PSME4: variants seen among roughly 807,000 people sequenced by gnomAD.
The protein encoded by PSME4 is proteasome activator complex subunit 4.
PSME4 carries 89 observed loss-of-function variants against 253.9 expected under a neutral mutation model. That is an observed-to-expected ratio of 0.35 (90% CI 0.30 to 0.42). The LOEUF (loss-of-function observed/expected upper bound fraction) is 0.42, where lower values mean the gene tolerates loss of function less well. Among genes scored for constraint, PSME4 ranks in the 10% least tolerant of loss-of-function variants. The pLI is 1.00. For synonymous variants in PSME4, 851 were observed against 759.2 expected (o/e 1.12, Z -1.99); for missense variants, 2,014 against 2,195.2 (o/e 0.92, Z 1.65).
chr2:53,932,915 T>C, intron 8 of PSME4, 155 bp from the exon 9 acceptor site: 1 of 587,398 alleles, frequency 1.7e-6, no homozygotes, highest in Non-Finnish European at 3.0e-6. Flanking sequence ...CAAAAACAAT[T>C]CCCTGATGAA....
In PSME4 at chr2:53,937,456, G is replaced by C; in HGVS notation, c.630C>G (p.Ala210=). The C allele has an allele frequency of 6.2e-7, 1 of 1,609,872 alleles. No individual in the cohort carries two copies. The highest frequency in any genetic ancestry group is 8.5e-7 in the Non-Finnish European group (1 of 1,177,140). Residue 210 remains alanine, a synonymous_variant, in exon 5 of 47, where the codon GCC becomes GCG. Coordinates refer to ENST00000404125, the MANE Select transcript of PSME4 (RefSeq NM_014614.3). The stretch of plus-strand genomic sequence containing the variant: ...GAAGAAATATTTCAAAATAAGTGAT[G>C]GCCTTTTGCATGGTTACATCAAAAG... ...MCPFDVTMQK[A]ITYFEIFLPT...
At chr2:53,909,599 G>A (rs538360975) in intron 21 of PSME4, among the ~76,000 whole-genome samples, 2 of 152,222 alleles carry the variant, frequency 1.3e-5, no homozygotes, top group East Asian at 3.9e-4. Flanking sequence ...AGGCAAAAAT[G>A]ACTACTGTAT....
At position 53,872,695 on chromosome 2, in the gene PSME4, T is replaced by C. The variant is rs150057270; in HGVS notation, c.5100+1644A>G. 1.6e-3 allele frequency among the ~76,000 whole-genome samples: 209 copies of C among 133,890 alleles called. 1 individual carries two copies. In the East Asian group the frequency reaches 0.018, roughly 12 times the overall value. The allele number at this position is 133,890 out of a possible 152,430, so 87.8% of individuals were successfully genotyped here. ...AGGCAGAGGCTGCAGTGAGCCATAA[T>C]TGTGCCACTGCACTACAGCCTGGAC... On this transcript the variant is annotated intron_variant, in intron 43 of 46. Transcript: ENST00000404125.
At chr2:53,890,379 T>G (rs1477781947) in intron 36 of PSME4, among the ~76,000 whole-genome samples, 171 bp from the exon 37 acceptor site, 2 of 152,138 alleles carry the variant, frequency 1.3e-5, no homozygotes, top group Admixed American at 1.3e-4. Context: ...TGATCATACC[T>G]CGATGTAGCC....
rs185294468 is a variant in PSME4, at chr2:53,934,509, G to A, written c.957+96C>T. 47 of 1,256,058 alleles carry A rather than the reference G, an allele frequency of 3.7e-5. No individual in the cohort carries two copies. In the African/African-American group the frequency reaches 6.0e-4, roughly 16 times the overall value. The allele number at this position is 1,256,058 out of a possible 1,614,324, so 77.8% of individuals were successfully genotyped here. ...ATCCAAGAATCAAGTCACCAACCAA[G>A]CCACTATTATCAACTTCTGCGACTA... On this transcript the variant is annotated intron_variant, in intron 8 of 46. Coordinates refer to ENST00000404125, the MANE Select transcript of PSME4 (RefSeq NM_014614.3).
Position 53,931,825 on chromosome 2 carries a change from A to T in PSME4, c.1316+10T>A. On this transcript the variant is annotated intron_variant, in intron 10 of 46. Transcript: ENST00000404125. ...CCTAGCTGTGGCTGAGACTCCCACT[A>T]ACCACTTACCTTTCAAGTACAGGGG... 1 of 1,613,116 alleles carries T rather than the reference A, an allele frequency of 6.2e-7. No individual in the cohort carries two copies. Among genetic ancestry groups the T allele is most frequent in the Non-Finnish European group, 8.5e-7 (1 of 1,179,302 alleles).
At chr2:53,873,063 A>AC (rs1678961278) in intron 43 of PSME4, among the ~76,000 whole-genome samples, 1 of 151,696 alleles carries the variant, frequency 6.6e-6, no homozygotes, top group African/African-American at 2.4e-5. Context: ...ACATGGTGAA[A>AC]CCCCGTCTCT....
chr2:53,909,965 G>A, intron 21 of PSME4, 110 bp downstream of exon 21: 5 of 965,832 alleles, frequency 5.2e-6, no homozygotes, highest in Non-Finnish European at 8.4e-6. Context: ...GTGAGACTCT[G>A]TCTCAAAACA....
At chr2:53,950,183 G>C (rs1185605210) in intron 1 of PSME4, among the ~76,000 whole-genome samples, 1 of 152,116 alleles carries the variant, frequency 6.6e-6, no homozygotes, top group Non-Finnish European at 1.5e-5. Flanking sequence ...CGGGGGCTGA[G>C]GTGGGAGGAT....
At chr2:53,865,600 T>G (rs952996786) in intron 46 of PSME4, 27 bp from the exon 47 acceptor site, 2 of 152,656 alleles carry the variant, frequency 1.3e-5, no homozygotes, top group Non-Finnish European at 2.9e-5. Flanking sequence ...AAAATTTCAA[T>G]TAGGTAACAA....
intron 28 of PSME4, 104 bp from the exon 29 acceptor site, chr2:53,900,121 G>A: frequency 9.6e-7 from 1 of 1,044,040 alleles, no homozygotes; most frequent in Non-Finnish European, 1.4e-6. Context: ...AGACACAAAA[G>A]TCCACATATT....
Position 53,920,322 on chromosome 2 carries a change from T to C in PSME4, c.2291A>G (p.Asn764Ser). The part of the protein sequence containing the change: ...KDWGKPGDLW[N>S]LGIQWHVPSS... ...AGGAACATGCCACTGGATTCCCAGA[T>C]TCCACAAGTCCCCGGGTTTGCCCCA... The change falls in exon 19 of 47, where the codon AAT becomes AGT. Residue 764 changes from asparagine to serine, a missense_variant. This residue lies in a region of PSME4 where 989 missense variants were observed against 1,021.1 expected (regional missense o/e 0.97). Transcript: ENST00000404125. The C allele has an allele frequency of 2.5e-6, 4 of 1,613,496 alleles. No individual in the cohort carries two copies. The highest frequency in any genetic ancestry group is 3.4e-6 in the Non-Finnish European group (4 of 1,179,642).
intron 1 of PSME4, among the ~76,000 whole-genome samples, chr2:53,965,269 A>G (rs528885263): frequency 6.7e-6 from 1 of 149,686 alleles, no homozygotes; most frequent in South Asian, 2.1e-4. Flanking sequence ...TTTTTGTAAG[A>G]CAAGAGTCTC....
intron 24 of PSME4, among the ~76,000 whole-genome samples, chr2:53,907,536 T>C (rs1452303408): frequency 6.6e-6 from 1 of 152,216 alleles, no homozygotes; most frequent in Non-Finnish European, 1.5e-5. Flanking sequence ...CTCTTTGTAC[T>C]TACTGTTCAC....
chr2:53,936,573 T>C (rs1386173839), intron 6 of PSME4, among the ~76,000 whole-genome samples, 191 bp downstream of exon 6: 1 of 147,606 alleles, frequency 6.8e-6, no homozygotes, highest in Non-Finnish European at 1.5e-5. Flanking sequence ...ATGCATACTT[T>C]TGTTAGAATA....
rs1033327359 is a variant in PSME4 at position 53,865,907 on chromosome 2, C to T, written c.*4+178G>A. 14 of 659,236 alleles carry T rather than the reference C, an allele frequency of 2.1e-5. No individual in the cohort carries two copies. The African/African-American group carries it at 2.6e-4, about 12-fold the overall frequency. 40.8% of individuals were successfully genotyped at this position (659,236 alleles called of 1,614,324 possible). A position where few individuals can be genotyped will look rare whatever the true frequency, so the allele number is the denominator to read the frequency against. On this transcript the variant is annotated intron_variant, in intron 46 of 46. Coordinates refer to ENST00000404125, the MANE Select transcript of PSME4 (RefSeq NM_014614.3). ...GCTTTAAACCTAAAGCAAGGAGGCA[C>T]AGCAAAATTCTCATTTCCAATGGCC...
At chr2:53,922,172 A>AAAAAGAAAAG (rs370610943) in intron 17 of PSME4, among the ~76,000 whole-genome samples, 18 of 152,038 alleles carry the variant, frequency 1.2e-4, no homozygotes, top group South Asian at 4.1e-4. Context: ...AAAAAGAAGA[A>AAAAAGAAAAG]AAAAGAAAAG....
Position 53,922,671 on chromosome 2 carries a change from A to C in PSME4, c.1979-87T>G, listed in dbSNP as rs111331373. 3.9e-5 allele frequency: 57 copies of C among 1,448,860 alleles called. 1 individual carries two copies. The African/African-American group carries it at 5.8e-4, about 15-fold the overall frequency. The allele number at this position is 1,448,860 out of a possible 1,614,324, so 89.8% of individuals were successfully genotyped here. A position where few individuals can be genotyped will look rare whatever the true frequency, so the allele number is the denominator to read the frequency against. ...TAAAATACTTCTATTTAATATTTCCAATAGCTGAGGAAAACCTCTTTTAGG... is the reference window on the plus strand; with the variant it reads ...TAAAATACTTCTATTTAATATTTCCCATAGCTGAGGAAAACCTCTTTTAGG... On this transcript the variant is annotated intron_variant, in intron 16 of 46. Coordinates refer to ENST00000404125, the MANE Select transcript of PSME4 (RefSeq NM_014614.3).
intron 32 of PSME4, among the ~76,000 whole-genome samples, chr2:53,896,012 T>C (rs755819943): frequency 2.6e-5 from 4 of 152,134 alleles, no homozygotes; most frequent in Non-Finnish European, 4.4e-5. Context: ...ATTAATTTTG[T>C]TTAAACTATT....
Sources: allele counts gnomAD v4.1 joint callset (sites outside exome capture counted in the v4.1 genomes callset), GRCh38; gene constraint gnomAD v4.1.1; regional missense constraint gnomAD v4.1.1; transcripts MANE v1.5; gene names NCBI Gene and HGNC (gene_info 2026-07-23, HGNC 2026-07-21).